SCAF8: variants seen among roughly 807,000 people sequenced by gnomAD.
SCAF8 encodes the protein SR-related and CTD-associated factor 8.
Under a neutral mutation model 140.5 loss-of-function variants are expected in SCAF8, and 23 were observed. The ratio of observed to expected loss-of-function variants is 0.16; its 90% CI spans 0.12 to 0.23. The LOEUF is 0.23. SCAF8 is among the 10% of genes least tolerant of loss of function. The probability of loss-of-function intolerance (pLI) is 1.00; values close to 1 mark genes in which losing one functional copy is unlikely to be tolerated. For synonymous variants in SCAF8, 575 were observed against 528.9 expected (o/e 1.09, Z -1.20); for missense variants, 1,397 against 1,555.7 (o/e 0.90, Z 1.72).
intron 1 of SCAF8, 150 bp downstream of exon 1, chr6:154,734,080 C>G: frequency 2.4e-6 from 3 of 1,261,772 alleles, no homozygotes; most frequent in Non-Finnish European, 3.1e-6. Context: ...AGGGGTGTTT[C>G]TCCTCTGGGT....
chr6:154,796,666 T>A (rs949016269), intron 6 of SCAF8, among the ~76,000 whole-genome samples: 4 of 151,996 alleles, frequency 2.6e-5, no homozygotes, highest in African/African-American at 9.7e-5. Context: ...AAGGTTTGGG[T>A]GAACTTAATC....
At chr6:154,821,687 G>T (rs950970463) in intron 15 of SCAF8, among the ~76,000 whole-genome samples, 3 of 152,122 alleles carry the variant, frequency 2.0e-5, no homozygotes, top group African/African-American at 7.2e-5. Flanking sequence ...TGCCATGTTT[G>T]TATTCAAAAA....
At chr6:154,779,481 T>C (rs1182923422) in intron 3 of SCAF8, among the ~76,000 whole-genome samples, 3 of 152,240 alleles carry the variant, frequency 2.0e-5, no homozygotes, top group Non-Finnish European at 4.4e-5. Flanking sequence ...CTAGATGATG[T>C]TTCTTTACAA....
chr6:154,747,200 G>A (rs1305372355), intron 1 of SCAF8, among the ~76,000 whole-genome samples: 2 of 152,016 alleles, frequency 1.3e-5, no homozygotes, highest in Non-Finnish European at 2.9e-5. Context: ...TATATTCTTC[G>A]TCTTTTACAA....
intron 13 of SCAF8, 33 bp downstream of exon 13, chr6:154,815,849 A>T (rs776554322): frequency 5.8e-6 from 8 of 1,388,334 alleles, no homozygotes; most frequent in Non-Finnish European, 8.2e-6. Context: ...TTAAGGTTTT[A>T]AAAAAGGAGG....
Position 154,833,603 on chromosome 6 carries a change from A to G in SCAF8, c.*208A>G, listed in dbSNP as rs1445523826. On this transcript the variant is annotated 3_prime_UTR_variant, in exon 20 of 20. Coordinates refer to ENST00000367178, the MANE Select transcript of SCAF8 (RefSeq NM_014892.5). ...AACATGGTAGGTAAACTTTTTTTTT[A>G]TTTTTTTCTGATAAAATACAAATGT... 1 of 418,450 alleles carries G rather than the reference A, an allele frequency of 2.4e-6. No individual in the cohort carries two copies. The highest frequency in any genetic ancestry group is 3.8e-5 in the East Asian group (1 of 26,376). 25.9% of individuals were successfully genotyped at this position (418,450 alleles called of 1,614,324 possible).
In SCAF8 at chr6:154,833,266, A is replaced by G; in HGVS notation, c.3687A>G (p.Pro1229=). 1 of 1,614,082 alleles carries G rather than the reference A, an allele frequency of 6.2e-7. No individual in the cohort carries two copies. The highest frequency in any genetic ancestry group is 8.5e-7 in the Non-Finnish European group (1 of 1,180,012). ...TERHAQPPPI[P]VQNDPELYEK... ...GACATGCTCAGCCACCACCTATACC[A>G]GTACAGAATGATCCTGAACTTTATG... is the stretch of plus-strand genomic sequence containing the variant. Residue 1229 remains proline, a synonymous_variant, in exon 20 of 20, where the codon CCA becomes CCG. Coordinates refer to ENST00000367178, the MANE Select transcript of SCAF8 (RefSeq NM_014892.5).
Position 154,808,731 on chromosome 6 carries a change from T to G in SCAF8, c.1159T>G (p.Phe387Val). 6.2e-7 allele frequency: 1 copy of G among 1,613,924 alleles called. No homozygotes were observed. The highest frequency in any genetic ancestry group is 8.5e-7 in the Non-Finnish European group (1 of 1,179,840). ...EGQDGVEEEV[F>V]EQEAKKVAVR... is the part of the protein sequence containing the mutation. ...GCAAGATGGAGTGGAAGAGGAGGTC[T>G]TTGAACAAGAAGCTAAGAAAGTGGC... The change falls in exon 11 of 20, where the codon TTT becomes GTT. Residue 387 changes from phenylalanine to valine, a missense_variant. Phe to Val is a conservative substitution (Grantham distance 50). Around this residue, in one of 5 missense-constraint regions of SCAF8, gnomAD observed 339 missense variants for 407.5 expected, o/e 0.83. Transcript: ENST00000367178.
At chr6:154,828,050 T>A (rs1778621413) in intron 18 of SCAF8, among the ~76,000 whole-genome samples, 1 of 152,166 alleles carries the variant, frequency 6.6e-6, no homozygotes, top group Non-Finnish European at 1.5e-5. Flanking sequence ...GTTTGCATTT[T>A]GATTCACTCT....
At chr6:154,775,612 A>G (rs1776894022) in intron 2 of SCAF8, among the ~76,000 whole-genome samples, 1 of 152,174 alleles carries the variant, frequency 6.6e-6, no homozygotes, top group Non-Finnish European at 1.5e-5. Flanking sequence ...CTGTCAGTCA[A>G]GAGTCTAACT....
intron 1 of SCAF8, among the ~76,000 whole-genome samples, chr6:154,738,195 C>CA (rs555772506): frequency 0.018 from 2,187 of 119,374 alleles, 24 homozygotes; most frequent in African/African-American, 0.031. Context: ...GACTCTGCTT[C>CA]AAAAAAAAAA....
chr6:154,769,383 C>T (rs1336378155), intron 1 of SCAF8, among the ~76,000 whole-genome samples: 1 of 152,186 alleles, frequency 6.6e-6, no homozygotes, highest in Non-Finnish European at 1.5e-5. Context: ...AACTTCCATA[C>T]TTTACCACAG....
chr6:154,769,019 C>T (rs917772270), intron 1 of SCAF8, among the ~76,000 whole-genome samples: 2 of 139,394 alleles, frequency 1.4e-5, no homozygotes, highest in Non-Finnish European at 3.0e-5. Context: ...GCTGAGAACA[C>T]GCCACTGCAC....
intron 1 of SCAF8, among the ~76,000 whole-genome samples, chr6:154,767,625 T>G (rs903771969): frequency 1.4e-5 from 2 of 147,210 alleles, no homozygotes; most frequent in Admixed American, 1.4e-4. Context: ...CAGCAACCTG[T>G]GCCTCCTGGG....
Position 154,832,731 on chromosome 6 carries a change from G to T in SCAF8, c.3152G>T (p.Arg1051Leu). 6.2e-7 allele frequency: 1 copy of T among 1,613,908 alleles called. No individual in the cohort carries two copies. The highest frequency in any genetic ancestry group is 8.5e-7 in the Non-Finnish European group (1 of 1,179,952). The change falls in exon 20 of 20, where the codon CGG (arginine) becomes CTG (leucine). Residue 1051 changes from arginine to leucine, a missense_variant. Arg to Leu is a moderately radical substitution (Grantham distance 102). Coordinates refer to ENST00000367178, the MANE Select transcript of SCAF8 (RefSeq NM_014892.5). ...RPIDPREGPG[R>L]PPLDGRDHFG... ...ATAGATCCAAGAGAAGGTCCTGGAC[G>T]GCCTCCACTAGATGGTAGGGATCAT...
At chr6:154,789,062 T>C (rs1562446660) in intron 4 of SCAF8, among the ~76,000 whole-genome samples, 1 of 152,170 alleles carries the variant, frequency 6.6e-6, no homozygotes, top group Non-Finnish European at 1.5e-5. Flanking sequence ...TATTATATAG[T>C]CTTGAATCAG....
intron 15 of SCAF8, among the ~76,000 whole-genome samples, chr6:154,820,611 G>A (rs527524318): frequency 5.3e-5 from 8 of 152,042 alleles, no homozygotes; most frequent in African/African-American, 1.9e-4. Context: ...TGTGTGGGAG[G>A]GATTTTTGAA....
intron 2 of SCAF8, among the ~76,000 whole-genome samples, chr6:154,777,509 G>A (rs1208464651): frequency 6.6e-6 from 1 of 152,096 alleles, no homozygotes. Context: ...CATTTTCCAG[G>A]AGAAGCAGAA....
rs141874859 is a variant in SCAF8 at position 154,749,247 on chromosome 6, C to T, written c.30+15317C>T. On this transcript the variant is annotated intron_variant, in intron 1 of 19. Transcript: ENST00000367178. ...TGAGCCACCGCACCCAGCCTAAAAT[C>T]TCTTATTTTGCTAGTCCTACACAAT... Among the ~76,000 whole-genome samples the T allele has an allele frequency of 4.9e-3, 742 of 152,266 alleles. 2 individuals are homozygous for T. The highest frequency in any genetic ancestry group is 9.7e-3 in the Admixed American group (148 of 15,292).
Sources: gnomAD v4.1 joint callset for allele counts (sites outside exome capture counted in the v4.1 genomes callset) on GRCh38, gnomAD v4.1.1 for gene constraint, gnomAD v4.1.1 regional missense constraint, MANE v1.5 for transcripts, NCBI Gene and HGNC (gene_info 2026-07-23, HGNC 2026-07-21) for gene names.